The following NKAIN2 variants were observed in gnomAD, a reference collection of about 807,000 sequenced individuals.
NKAIN2 encodes sodium/potassium transporting ATPase interacting 2.
A neutral mutation model predicts 32.6 loss-of-function variants in NKAIN2; 14 were observed. That is an observed-to-expected ratio of 0.43 (90% CI 0.28 to 0.67). NKAIN2 has a LOEUF of 0.67. Among genes scored for constraint, NKAIN2 ranks in the 30% least tolerant of loss-of-function variants. The pLI is 0.17. For synonymous variants in NKAIN2, 80 were observed against 87.2 expected (o/e 0.92, Z 0.46); for missense variants, 198 against 258.3 (o/e 0.77, Z 1.60).
intron 3 of NKAIN2, among the ~76,000 whole-genome samples, chr6:124,499,661 G>GA (rs1778207390): frequency 1.3e-5 from 2 of 152,140 alleles, no homozygotes; most frequent in African/African-American, 4.8e-5. Context: ...AAAGAGATTA[G>GA]AAAAAATGGG....
chr6:124,174,074 A>G (rs542319318), intron 1 of NKAIN2, among the ~76,000 whole-genome samples: 1 of 152,264 alleles, frequency 6.6e-6, no homozygotes, highest in Admixed American at 6.5e-5. Flanking sequence ...TTAAAATCTG[A>G]TATCATTGCA....
At chr6:124,274,330 G>C (rs1216760596) in intron 1 of NKAIN2, among the ~76,000 whole-genome samples, 1 of 152,090 alleles carries the variant, frequency 6.6e-6, no homozygotes, top group African/African-American at 2.4e-5. Flanking sequence ...GTGATTATAG[G>C]AATTTGCAAA....
intron 1 of NKAIN2, among the ~76,000 whole-genome samples, chr6:124,177,239 C>A (rs954865565): frequency 6.6e-6 from 1 of 152,056 alleles, no homozygotes; most frequent in Admixed American, 6.6e-5. Flanking sequence ...AAAAAGCATT[C>A]GATACAAGTA....
intron 4 of NKAIN2, among the ~76,000 whole-genome samples, chr6:124,730,840 C>A (rs1367042696): frequency 2.0e-5 from 3 of 149,660 alleles, no homozygotes; most frequent in Non-Finnish European, 4.4e-5. Flanking sequence ...CCAGAATCTA[C>A]AATGGACTCA....
At chr6:124,455,848 C>T (rs1432976540) in intron 3 of NKAIN2, among the ~76,000 whole-genome samples, 1 of 151,606 alleles carries the variant, frequency 6.6e-6, no homozygotes, top group East Asian at 1.9e-4. Flanking sequence ...AACAGGTGTC[C>T]CTTCAGCCTG....
rs1287520269 is a variant in NKAIN2, at chr6:124,515,716, CGT to C, written c.274-142469_274-142468del. Among the ~76,000 whole-genome samples the C allele has an allele frequency of 2.0e-3, 2 of 986 alleles. 1 individual carries two copies. The highest frequency in any genetic ancestry group is 5.1e-3 in the Non-Finnish European group (2 of 392). 0.6% of individuals were successfully genotyped at this position (986 alleles called of 152,430 possible). On this transcript the variant is annotated intron_variant, in intron 3 of 6. Transcript: ENST00000368417. ...ACTTCATTTTTCTTCGCTTTCTCTC[CGT>C]CTCGCTCTGTCGCCCAGGCTGGAGT...
intron 5 of NKAIN2, among the ~76,000 whole-genome samples, chr6:124,810,770 C>G (rs1283169719): frequency 1.3e-5 from 2 of 152,070 alleles, no homozygotes; most frequent in Non-Finnish European, 2.9e-5. Context: ...AGCGAAGCAT[C>G]TGCGGTGATT....
At chr6:123,877,504 A>C (rs1283096246) in intron 1 of NKAIN2, among the ~76,000 whole-genome samples, 1 of 152,248 alleles carries the variant, frequency 6.6e-6, no homozygotes, top group Non-Finnish European at 1.5e-5. Flanking sequence ...AGCCAACTAC[A>C]ATCCTTCAGT....
intron 1 of NKAIN2, among the ~76,000 whole-genome samples, chr6:124,170,660 A>C (rs568190091): frequency 6.6e-6 from 1 of 152,302 alleles, no homozygotes; most frequent in African/African-American, 2.4e-5. Flanking sequence ...CTATAAATAC[A>C]GTGAATTTGG....
intron 1 of NKAIN2, among the ~76,000 whole-genome samples, chr6:123,918,991 C>G (rs1775622583): frequency 6.6e-6 from 1 of 152,050 alleles, no homozygotes; most frequent in Admixed American, 6.6e-5. Flanking sequence ...CTCTCTGTCT[C>G]TCTGTCTCTC....
chr6:124,816,527 G>T (rs1429368686), intron 5 of NKAIN2, among the ~76,000 whole-genome samples: 2 of 152,036 alleles, frequency 1.3e-5, no homozygotes, highest in Non-Finnish European at 2.9e-5. Context: ...TTGTGTGGGG[G>T]CAGGAAATAT....
intron 2 of NKAIN2, among the ~76,000 whole-genome samples, chr6:124,288,729 T>C (rs1257698829): frequency 6.6e-6 from 1 of 152,170 alleles, no homozygotes. Flanking sequence ...GGACAAATGA[T>C]CTATTTCTAC....
intron 1 of NKAIN2, among the ~76,000 whole-genome samples, chr6:124,123,982 C>T (rs1786022904): frequency 6.7e-6 from 1 of 148,900 alleles, no homozygotes; most frequent in African/African-American, 2.5e-5. Flanking sequence ...TATCACTGGC[C>T]TTTTAGGATG....
intron 1 of NKAIN2, among the ~76,000 whole-genome samples, chr6:123,851,557 T>C (rs1257449108): frequency 2.0e-5 from 3 of 152,180 alleles, no homozygotes; most frequent in Non-Finnish European, 4.4e-5. Flanking sequence ...AGCTGTTTTT[T>C]ATTTTTTGAG....
intron 3 of NKAIN2, among the ~76,000 whole-genome samples, chr6:124,396,699 A>C (rs1260637523): frequency 6.6e-6 from 1 of 152,160 alleles, no homozygotes; most frequent in African/African-American, 2.4e-5. Context: ...GAAAGGAATA[A>C]ATAACTATTA....
chr6:123,900,532 GTTTTTTTTTTTTTTTTTTTTTTTTTTT>G (rs34370743), intron 1 of NKAIN2, among the ~76,000 whole-genome samples: 1 of 32,764 alleles, frequency 3.1e-5, no homozygotes, highest in African/African-American at 5.1e-5. Flanking sequence ...CTCCAGATTA[GTTTTTTTTTTTTTTTTTTTTTTTTTTT>G]TTTTTTTTTT....
intron 1 of NKAIN2, among the ~76,000 whole-genome samples, chr6:124,109,606 T>C (rs1785277281): frequency 6.6e-6 from 1 of 152,032 alleles, no homozygotes; most frequent in Non-Finnish European, 1.5e-5. Context: ...CAGTTTCTTT[T>C]TCTGGCACAG....
intron 1 of NKAIN2, among the ~76,000 whole-genome samples, chr6:124,184,115 C>T (rs1582808692): frequency 6.6e-6 from 1 of 152,120 alleles, no homozygotes; most frequent in South Asian, 2.1e-4. Context: ...GCAAAGAAGA[C>T]ACTTTTATTA....
At chr6:124,657,141 C>T (rs886975059) in intron 3 of NKAIN2, among the ~76,000 whole-genome samples, 6 of 152,212 alleles carry the variant, frequency 3.9e-5, no homozygotes, top group East Asian at 1.9e-4. Flanking sequence ...TGTGGCTCCA[C>T]GTCACAAACG....
Sources: allele counts gnomAD v4.1 joint callset (sites outside exome capture counted in the v4.1 genomes callset), GRCh38; gene constraint gnomAD v4.1.1; transcripts MANE v1.5; gene names NCBI Gene and HGNC (gene_info 2026-07-23, HGNC 2026-07-21).